The following WDR4 variants were observed in gnomAD, a reference collection of about 807,000 sequenced individuals.
WDR4 encodes WDR4 tRNA N7-guanosine methyltransferase non-catalytic subunit, also known as tRNA (guanine-N(7)-)-methyltransferase non-catalytic subunit WDR4.
WDR4 carries 47 observed loss-of-function variants against 48.6 expected under a neutral mutation model. That is an observed-to-expected ratio of 0.97 (90% CI 0.77 to 1.23). WDR4 has a LOEUF of 1.23. Among genes scored for constraint, WDR4 ranks in the 50% most tolerant of loss-of-function variants. The pLI, the probability that WDR4 is intolerant of heterozygous loss-of-function variation, is 0.00. For missense variants in WDR4, 606 were observed against 551.6 expected (o/e 1.10, Z -0.99); for synonymous variants, 268 against 230.0 (o/e 1.17, Z -1.49).
At chr21:42,854,454 A>G in intron 8 of WDR4, 108 bp downstream of exon 8, 8 of 1,109,682 alleles carry the variant, frequency 7.2e-6, no homozygotes, top group Non-Finnish European at 1.0e-5. Flanking sequence ...CAATACCACC[A>G]CCGTTCAGGA....
chr21:42,890,186 G>A, the WDR4 span, among the ~76,000 whole-genome samples: 1 of 152,048 alleles, frequency 6.6e-6, no homozygotes, highest in Non-Finnish European at 1.5e-5. Flanking sequence ...CAAACACCTT[G>A]GAGTTAAATG....
intron 2 of WDR4, among the ~76,000 whole-genome samples, chr21:42,875,411 C>T (rs2058467884): frequency 6.6e-6 from 1 of 152,090 alleles, no homozygotes; most frequent in Non-Finnish European, 1.5e-5. Flanking sequence ...AAAAATTAGC[C>T]GGGCATGGTG....
chr21:42,874,686 T>C (rs187830153), intron 2 of WDR4, among the ~76,000 whole-genome samples: 4 of 152,198 alleles, frequency 2.6e-5, no homozygotes, highest in East Asian at 3.9e-4. Context: ...CAGTCTCCCA[T>C]AGCGCTCCCA....
At chr21:42,858,769 T>C (rs192384819) in intron 6 of WDR4, among the ~76,000 whole-genome samples, 1 of 152,302 alleles carries the variant, frequency 6.6e-6, no homozygotes, top group Admixed American at 6.5e-5. Context: ...TCAGGTCGCG[T>C]GGCTGTGTGT....
At chr21:42,885,262 T>C in the WDR4 span, among the ~76,000 whole-genome samples, 10 of 152,134 alleles carry the variant, frequency 6.6e-5, 1 homozygote, top group Non-Finnish European at 1.2e-4. Context: ...TCCTCTCTTC[T>C]TCCTCCTCCA....
chr21:42,890,660 T>C, the WDR4 span, among the ~76,000 whole-genome samples: 2 of 152,358 alleles, frequency 1.3e-5, no homozygotes, highest in Non-Finnish European at 2.9e-5. Flanking sequence ...GGTTTTGTGT[T>C]AAAATGCTGG....
the WDR4 span, among the ~76,000 whole-genome samples, chr21:42,889,848 C>T: frequency 1.3e-5 from 2 of 152,146 alleles, no homozygotes; most frequent in Non-Finnish European, 2.9e-5. Context: ...CCTGGGTTCA[C>T]AGCTCCCGGC....
At chr21:42,871,703 G>A (rs909162167) in intron 3 of WDR4, among the ~76,000 whole-genome samples, 2 of 152,186 alleles carry the variant, frequency 1.3e-5, no homozygotes, top group Non-Finnish European at 2.9e-5. Flanking sequence ...ACTGCCTATG[G>A]GAAAGGAGCC....
intron 3 of WDR4, among the ~76,000 whole-genome samples, 189 bp from the exon 4 acceptor site, chr21:42,863,785 A>AT (rs1245781046): frequency 2.6e-5 from 4 of 151,654 alleles, no homozygotes; most frequent in Non-Finnish European, 2.9e-5. Context: ...CCTTCGACAA[A>AT]TTTACTTTCA....
intron 6 of WDR4, among the ~76,000 whole-genome samples, chr21:42,857,021 G>A (rs1283333046): frequency 6.6e-6 from 1 of 152,204 alleles, no homozygotes; most frequent in Non-Finnish European, 1.5e-5. Context: ...ACCAGCCACA[G>A]AGAAGCCCGA....
chr21:42,855,102 C>G (rs1191030817), intron 7 of WDR4, among the ~76,000 whole-genome samples: 2 of 151,532 alleles, frequency 1.3e-5, no homozygotes, highest in Non-Finnish European at 2.9e-5. Flanking sequence ...TGCACTCCAG[C>G]CTGGGCAAGA....
At chr21:42,885,546 T>C in the WDR4 span, among the ~76,000 whole-genome samples, 5 of 151,912 alleles carry the variant, frequency 3.3e-5, no homozygotes, top group Non-Finnish European at 1.5e-5. Flanking sequence ...GAGGCAGAGG[T>C]TGCAGTGAGC....
the WDR4 span, among the ~76,000 whole-genome samples, chr21:42,890,273 C>T: frequency 1.3e-5 from 2 of 150,774 alleles, no homozygotes; most frequent in African/African-American, 2.4e-5. Context: ...CGGTGGCTCA[C>T]GACTGTAAAT....
intron 10 of WDR4, among the ~76,000 whole-genome samples, chr21:42,850,576 CCCAGGTGGCAGGGGA>C (rs1017332403): frequency 1.3e-5 from 2 of 152,166 alleles, no homozygotes; most frequent in Admixed American, 1.3e-4. Flanking sequence ...TGTGGAGGGG[CCCAGGTGGCAGGGGA>C]CCAGGAGCAG....
At chr21:42,885,201 A>T in the WDR4 span, among the ~76,000 whole-genome samples, 91,312 of 152,006 alleles carry the variant, frequency 0.6, 28,186 homozygotes, top group African/African-American at 0.71. Context: ...AGATGTAATA[A>T]CTTCTAGGGC....
At position 42,863,729 on chromosome 21, in the gene WDR4, G is replaced by A. The variant is rs1316818867; in HGVS notation, c.297-133C>T. ...CTCTGTTTTCCAGCTGCTGAAGGTG[G>A]TGCCAAAAAAATTAAGCAATGCTAA... On this transcript the variant is annotated intron_variant, in intron 3 of 10. Transcript: ENST00000398208. 1.9e-5 allele frequency: 20 copies of A among 1,038,602 alleles called. No homozygotes were observed. The East Asian group carries it at 5.1e-4, about 26-fold the overall frequency. The allele number at this position is 1,038,602 out of a possible 1,614,324, so 64.3% of individuals were successfully genotyped here. A position where few individuals can be genotyped will look rare whatever the true frequency, so the allele number is the denominator to read the frequency against.
Position 42,859,644 on chromosome 21 carries a change from G to C in WDR4, c.627+18C>G. ...GCTCAAGAATCCAGAGGTGAGTGAC[G>C]CTGGGCAGAACACTTACCCCAGAGG... On this transcript the variant is annotated intron_variant, in intron 6 of 10. Coordinates refer to ENST00000398208, the MANE Select transcript of WDR4 (RefSeq NM_018669.6). 7.1e-7 allele frequency: 1 copy of C among 1,406,212 alleles called. No individual in the cohort carries two copies. 87.1% of individuals were successfully genotyped at this position (1,406,212 alleles called of 1,614,324 possible). A position where few individuals can be genotyped will look rare whatever the true frequency, so the allele number is the denominator to read the frequency against.
chr21:42,873,811 T>G (rs1457518699), intron 2 of WDR4, 120 bp from the exon 3 acceptor site: 1 of 1,168,016 alleles, frequency 8.6e-7, no homozygotes, highest in East Asian at 2.5e-5. Flanking sequence ...GGGGATCACG[T>G]AGCCAAAATA....
chr21:42,879,301 C>A lies in WDR4; in HGVS notation c.89+106G>T, dbSNP rs2058576759. On this transcript the variant is annotated intron_variant, in intron 1 of 10. Coordinates refer to ENST00000398208, the MANE Select transcript of WDR4 (RefSeq NM_018669.6). ...GGGCTGGAGCGGAGTTCCCCGGGGT[C>A]ACCCCAGAGTGGGTGCGACCAGGCG... is the stretch of plus-strand genomic sequence containing the variant. 1.7e-5 allele frequency: 25 copies of A among 1,462,428 alleles called. 1 individual carries two copies. The South Asian group carries it at 3.4e-4, about 20-fold the overall frequency. The allele number at this position is 1,462,428 out of a possible 1,614,324, so 90.6% of individuals were successfully genotyped here. A position where few individuals can be genotyped will look rare whatever the true frequency, so the allele number is the denominator to read the frequency against.
Sources: gnomAD v4.1 joint callset for allele counts (sites outside exome capture counted in the v4.1 genomes callset) on GRCh38, gnomAD v4.1.1 for gene constraint, MANE v1.5 for transcripts, NCBI Gene and HGNC (gene_info 2026-07-23, HGNC 2026-07-21) for gene names.